Variants in COG2 observed in about 807,000 individuals in gnomAD.
COG2 encodes the protein component of oligomeric golgi complex 2.
Under a neutral mutation model 90.6 loss-of-function variants are expected in COG2, and 52 were observed. That is an observed-to-expected ratio of 0.57 (90% CI 0.46 to 0.72). COG2 has a LOEUF of 0.72. Among genes scored for constraint, COG2 ranks in the 30% least tolerant of loss-of-function variants. The pLI is 0.00. For missense variants in COG2, 829 were observed against 891.2 expected, an observed-to-expected ratio of 0.93 and a Z score of 0.89; for synonymous variants, 337 against 320.4, an observed-to-expected ratio of 1.05 and a Z score of -0.55.
chr1:230,692,064 A>G (rs957052449), intron 17 of COG2, among the ~76,000 whole-genome samples: 3 of 152,104 alleles, frequency 2.0e-5, no homozygotes, highest in Admixed American at 1.3e-4. Context: ...TAATGTGGAT[A>G]TTATCACTTA....
At chr1:230,686,306 C>T (rs1332371140) in intron 12 of COG2, among the ~76,000 whole-genome samples, 1 of 152,196 alleles carries the variant, frequency 6.6e-6, no homozygotes, top group East Asian at 1.9e-4. Flanking sequence ...CTGAAGACCA[C>T]TGTATGATTC....
rs199844793 is a variant in COG2, at chr1:230,659,648, C to T, written c.234+23C>T. The T allele has an allele frequency of 4.4e-6, 7 of 1,601,246 alleles. No individual in the cohort carries two copies. The East Asian group carries it at 1.6e-4, about 36-fold the overall frequency. On this transcript the variant is annotated intron_variant, in intron 2 of 17. Transcript: ENST00000366669. ...TTGGTAAACTTTAAATCCACGGTCC[C>T]ATTTACATACATACAATTTCTTTCT...
At position 230,687,038 on chromosome 1, in the gene COG2, A is replaced by G. The variant is rs150442354; in HGVS notation, c.1484A>G (p.Gln495Arg). ...ATCACCCAAGGAAACACTGAAGACCAAGGAAGTGGTCCTTCGGAAACAAAG... is the reference window on the plus strand; with the variant it reads ...ATCACCCAAGGAAACACTGAAGACCGAGGAAGTGGTCCTTCGGAAACAAAG... ...PSITQGNTED[Q>R]GSGPSETKPV... Residue 495 changes from glutamine (Q) to arginine (R), a missense_variant, in exon 13 of 18, where the codon CAA becomes CGA. Gln to Arg is a conservative substitution (Grantham distance 43). Coordinates refer to ENST00000366669, the MANE Select transcript of COG2 (RefSeq NM_007357.3). The G allele has an allele frequency of 2.6e-5, 42 of 1,612,496 alleles. No individual in the cohort carries two copies. The African/African-American group carries it at 4.8e-4, about 18-fold the overall frequency.
Position 230,688,430 on chromosome 1 carries a change from G to A in COG2, c.1662G>A (p.Glu554=), listed in dbSNP as rs772645407. The change falls in exon 15 of 18, where the codon GAG becomes GAA. Residue 554 remains glutamate, a synonymous_variant. Transcript: ENST00000366669. ...CTTTAATCTCAACAGCAGCCCTGGA[G>A]GACTCCCAGAGCTCTTTTTCAGCCT... ...KNFSSISAAL[E]DSQSSFSACV... 9 of 1,613,760 alleles carry A rather than the reference G, an allele frequency of 5.6e-6. No homozygotes were observed. Among genetic ancestry groups the A allele is most frequent in the Non-Finnish European group, 5.9e-6 (7 of 1,179,938 alleles).
At position 230,688,509 on chromosome 1, in the gene COG2, G is replaced by A. The variant is rs537450472; in HGVS notation, c.1741G>A (p.Gly581Ser). ...IIQDLSDSCF[G>S]FLKSALEVPR... Reference sequence around the variant, plus strand: ...CCAGGATTTAAGTGACTCTTGCTTCGGTTTCCTAAAAAGCGCCCTGGAGGT... The same window carrying A: ...CCAGGATTTAAGTGACTCTTGCTTCAGTTTCCTAAAAAGCGCCCTGGAGGT... The change falls in exon 15 of 18, where the codon GGT (glycine) becomes AGT (serine). Residue 581 changes from glycine to serine, a missense_variant. Gly to Ser is a moderately conservative substitution (Grantham distance 56, BLOSUM62 0). Coordinates refer to ENST00000366669, the MANE Select transcript of COG2 (RefSeq NM_007357.3). The A allele has an allele frequency of 1.6e-5, 26 of 1,614,076 alleles. No individual in the cohort carries two copies. Among genetic ancestry groups the A allele is most frequent in the South Asian group, 1.4e-4 (13 of 91,070 alleles).
intron 2 of COG2, among the ~76,000 whole-genome samples, chr1:230,660,336 C>A (rs1236910255): frequency 1.7e-4 from 26 of 152,226 alleles, no homozygotes; most frequent in Non-Finnish European, 5.9e-5. Flanking sequence ...TATTTCCATT[C>A]TATTTCATTT....
intron 1 of COG2, among the ~76,000 whole-genome samples, chr1:230,645,128 G>C (rs1661735198): frequency 6.6e-6 from 1 of 150,930 alleles, no homozygotes; most frequent in Non-Finnish European, 1.5e-5. Context: ...CCAGCTACTT[G>C]GGAGGCTGAG....
Position 230,685,017 on chromosome 1 carries a change from C to CACATT in COG2, c.1229-66_1229-62dup, listed in dbSNP as rs3831130. On this transcript the variant is annotated intron_variant, in intron 11 of 17. Transcript: ENST00000366669. ...CCTTTGAATCGTACATCGGAAGTCT[C>CACATT]ACATTAGACTATAGCCTAAAATTGC... 0.41 allele frequency: 617,790 copies of CACATT among 1,524,438 alleles called. 132,907 individuals are homozygous for CACATT. The highest frequency in any genetic ancestry group is 0.45 in the Non-Finnish European group (497,970 of 1,118,310). 94.4% of individuals were successfully genotyped at this position (1,524,438 alleles called of 1,614,324 possible).
chr1:230,674,658 G>A (rs182834641), intron 8 of COG2, among the ~76,000 whole-genome samples: 82 of 152,282 alleles, frequency 5.4e-4, no homozygotes, highest in Non-Finnish European at 9.7e-4. Flanking sequence ...TGTGGTATTA[G>A]ACTACTGTAC....
At chr1:230,661,983 A>G (rs958888030) in intron 3 of COG2, among the ~76,000 whole-genome samples, 3 of 151,278 alleles carry the variant, frequency 2.0e-5, no homozygotes, top group African/African-American at 7.3e-5. Flanking sequence ...ACCCTTGGAG[A>G]TAGGGTGTTT....
At chr1:230,664,452 C>T (rs1337998996) in intron 4 of COG2, 32 bp from the exon 5 acceptor site, 2 of 951,358 alleles carry the variant, frequency 2.1e-6, no homozygotes. Context: ...TTAAACATGA[C>T]AATAACTTTT....
Position 230,690,150 on chromosome 1 carries a change from ATAAGTAAG to A in COG2, c.1934+1_1934+8del. ...GAAGGCACTCTCAGTGAAAGCACTCATAAGTAAGTAAATTAAAAGCAGACCTTGTGGGC... is the reference window on the plus strand; with the variant it reads ...GAAGGCACTCTCAGTGAAAGCACTCATAAATTAAAAGCAGACCTTGTGGGC... On this transcript the variant is annotated splice_donor_variant and splice_donor_5th_base_variant and coding_sequence_variant and intron_variant, in exon 16 of 18. Coordinates refer to ENST00000366669, the MANE Select transcript of COG2 (RefSeq NM_007357.3). LOFTEE classifies it high-confidence loss of function. 2 of 1,611,642 alleles carry A rather than the reference ATAAGTAAG, an allele frequency of 1.2e-6. No homozygotes were observed. The highest frequency in any genetic ancestry group is 1.7e-6 in the Non-Finnish European group (2 of 1,179,100).
chr1:230,646,609 C>T (rs1661784249), intron 1 of COG2, among the ~76,000 whole-genome samples: 1 of 152,110 alleles, frequency 6.6e-6, no homozygotes, highest in South Asian at 2.1e-4. Context: ...TATCTGCAAC[C>T]CCATGTGCAC....
At chr1:230,642,775 C>G in intron 1 of COG2, 97 bp downstream of exon 1, 8 of 1,205,322 alleles carry the variant, frequency 6.6e-6, no homozygotes, top group Non-Finnish European at 9.4e-6. Flanking sequence ...CCTGCCTGCG[C>G]ACGCTCAGTG....
chr1:230,664,621 A>G, intron 5 of COG2, 34 bp downstream of exon 5: 1 of 1,085,522 alleles, frequency 9.2e-7, no homozygotes, highest in Non-Finnish European at 1.4e-6. Context: ...TCGTAAATTA[A>G]TACTTCACAT....
At chr1:230,657,131 G>T (rs1176717864) in intron 1 of COG2, among the ~76,000 whole-genome samples, 1 of 152,102 alleles carries the variant, frequency 6.6e-6, no homozygotes, top group African/African-American at 2.4e-5. Context: ...TGGTCATTTT[G>T]CCTGTTAGTT....
intron 1 of COG2, 44 bp downstream of exon 1, chr1:230,642,722 C>T (rs758305412): frequency 5.0e-6 from 8 of 1,584,300 alleles, no homozygotes; most frequent in East Asian, 2.3e-5. Flanking sequence ...ATGAGGGTGC[C>T]TCTGCCCTGT....
intron 7 of COG2, chr1:230,670,207 A>G (rs1003947473): frequency 1.3e-5 from 2 of 152,232 alleles, no homozygotes; most frequent in Non-Finnish European, 2.9e-5. Flanking sequence ...CTGAGCAGCC[A>G]GAGTATAGAT....
rs1295041774 is a variant in COG2, at chr1:230,654,054, CCATTCTGTAGGTTGCCTGTT to C, written c.73-5407_73-5388del. 2.0e-5 allele frequency among the ~76,000 whole-genome samples: 3 copies of C among 152,246 alleles called. No homozygotes were observed. The East Asian group carries it at 5.8e-4, about 29-fold the overall frequency. On this transcript the variant is annotated intron_variant, in intron 1 of 17. Transcript: ENST00000366669. ...GTGGACAGATTGCAAAAATTTTCTC[CCATTCTGTAGGTTGCCTGTT>C]CACTCTGATGATAGTTTCTTTTGCT...
Sources: allele counts gnomAD v4.1 joint callset (sites outside exome capture counted in the v4.1 genomes callset), GRCh38; gene constraint gnomAD v4.1.1; transcripts MANE v1.5; gene names NCBI Gene and HGNC (gene_info 2026-07-23, HGNC 2026-07-21).